NPAS2: variants seen among roughly 807,000 people sequenced by gnomAD.
NPAS2 encodes neuronal PAS domain protein 2, also known as neuronal PAS domain-containing protein 2.
A neutral mutation model predicts 107.5 loss-of-function variants in NPAS2; 23 were observed. That is an observed-to-expected ratio of 0.21 (90% CI 0.15 to 0.30). NPAS2 has a LOEUF of 0.30. Among genes scored for constraint, NPAS2 ranks in the 10% least tolerant of loss-of-function variants. The pLI, the probability that NPAS2 is intolerant of heterozygous loss-of-function variation, is 1.00. For missense variants in NPAS2, 756 were observed against 1,043.3 expected (o/e 0.72, Z 3.79); for synonymous variants, 403 against 417.5 (o/e 0.97, Z 0.42).
In NPAS2 at chr2:100,976,423, C is replaced by T. The variant is rs1366378467; in HGVS notation, c.1392+856C>T. On this transcript the variant is annotated intron_variant, in intron 14 of 20. Coordinates refer to ENST00000335681, the MANE Select transcript of NPAS2 (RefSeq NM_002518.4). This position sits in a 1 kb window ranked among gnomAD's most constrained non-coding sequence, Gnocchi z 4.1. ...CATGCAGACCTCTGTGACCTAGCCA[C>T]GGAAGTCATATAGTATCACCACTGC... Among the ~76,000 whole-genome samples, 2 of 152,054 alleles carry T rather than the reference C, an allele frequency of 1.3e-5. No homozygotes were observed. Among genetic ancestry groups the T allele is most frequent in the Non-Finnish European group, 1.5e-5 (1 of 68,008 alleles).
At chr2:100,878,707 C>A in intron 1 of NPAS2, 1 of 614,584 alleles carries the variant, frequency 1.6e-6, no homozygotes, top group Non-Finnish European at 2.0e-6. Context: ...CTCACTGATA[C>A]CCAACTATAA....
intron 1 of NPAS2, among the ~76,000 whole-genome samples, chr2:100,882,471 C>T (rs984733654): frequency 1.1e-4 from 16 of 151,970 alleles, no homozygotes; most frequent in African/African-American, 3.1e-4. Flanking sequence ...ATTAGCCGGG[C>T]GTAGGTGGTG....
Position 100,829,186 on chromosome 2 carries a change from G to GTT in NPAS2, c.-23+8787_-23+8788dup, listed in dbSNP as rs61069926. On this transcript the variant is annotated intron_variant, in intron 1 of 20. Coordinates refer to ENST00000335681, the MANE Select transcript of NPAS2 (RefSeq NM_002518.4). ...CAAATGGAACTGTGTGTGTTTTGTT[G>GTT]TTTTTTTTTTTTTTTTGAGACAGAG... Among the ~76,000 whole-genome samples, 352 of 140,514 alleles carry GTT rather than the reference G, an allele frequency of 2.5e-3. 3 individuals carry two copies. The highest frequency in any genetic ancestry group is 8.2e-3 in the African/African-American group (328 of 40,014). 92.2% of individuals were successfully genotyped at this position (140,514 alleles called of 152,430 possible).
intron 5 of NPAS2, among the ~76,000 whole-genome samples, chr2:100,943,647 A>C (rs1211612089): frequency 6.6e-6 from 1 of 152,270 alleles, no homozygotes; most frequent in Non-Finnish European, 1.5e-5. Context: ...CAGGCTGTGC[A>C]GTAAGAAGAG....
At chr2:100,926,216 T>C (rs1166465540) in intron 3 of NPAS2, among the ~76,000 whole-genome samples, 4 of 152,238 alleles carry the variant, frequency 2.6e-5, no homozygotes, top group Non-Finnish European at 4.4e-5. Context: ...TTTTTGGAAA[T>C]TATGAATGAT....
intron 1 of NPAS2, among the ~76,000 whole-genome samples, chr2:100,854,344 A>C (rs909693941): frequency 6.6e-6 from 1 of 152,236 alleles, no homozygotes; most frequent in African/African-American, 2.4e-5. Flanking sequence ...AGTGAGAGCA[A>C]CTACTGGGAA....
At chr2:100,869,525 G>A (rs1020710681) in intron 1 of NPAS2, among the ~76,000 whole-genome samples, 9 of 152,176 alleles carry the variant, frequency 5.9e-5, no homozygotes, top group African/African-American at 1.2e-4. Flanking sequence ...TTCAAACCAC[G>A]CAGTGGGAAT....
chr2:100,925,264 A>G lies in NPAS2; in HGVS notation c.151A>G (p.Lys51Glu), dbSNP rs1421402100. Residue 51 changes from lysine to glutamate, a missense_variant, in exon 3 of 21, where the codon AAG (lysine) becomes GAG (glutamate). Around this residue, in one of 4 missense-constraint regions of NPAS2, gnomAD observed 146 missense variants for 249.6 expected, o/e 0.58. Coordinates refer to ENST00000335681, the MANE Select transcript of NPAS2 (RefSeq NM_002518.4). ...RKMDKTTVLE[K>E]VIGFLQKHNE... is the part of the protein sequence containing the mutation. Reference sequence around the variant, plus strand: ...AATGGACAAAACCACCGTGTTGGAAAAGGTCATCGGATTTTTGCAGAAACA... The same window carrying G: ...AATGGACAAAACCACCGTGTTGGAAGAGGTCATCGGATTTTTGCAGAAACA... The G allele has an allele frequency of 2.5e-6, 4 of 1,614,110 alleles. No homozygotes were observed. In the South Asian group the frequency reaches 4.4e-5, roughly 18 times the overall value.
In NPAS2 at chr2:100,965,585, G is replaced by C. The variant is rs1410505980; in HGVS notation, c.801-75G>C. ...TGAGGCCTCCATGTTGATCATTATG[G>C]AAAGGCATGGCCACCAGGGTGAGCC... On this transcript the variant is annotated intron_variant, in intron 9 of 20. Coordinates refer to ENST00000335681, the MANE Select transcript of NPAS2 (RefSeq NM_002518.4). The surrounding 1 kb of genome is among the most constrained non-coding windows in gnomAD (Gnocchi z 4.3). The C allele has an allele frequency of 1.2e-6, 1 of 868,542 alleles. No individual in the cohort carries two copies. The highest frequency in any genetic ancestry group is 1.7e-5 in the African/African-American group (1 of 58,802). 53.8% of individuals were successfully genotyped at this position (868,542 alleles called of 1,614,324 possible). A position where few individuals can be genotyped will look rare whatever the true frequency, so the allele number is the denominator to read the frequency against.
At chr2:100,897,405 C>T (rs1478773285) in intron 1 of NPAS2, among the ~76,000 whole-genome samples, 1 of 152,176 alleles carries the variant, frequency 6.6e-6, no homozygotes, top group Non-Finnish European at 1.5e-5. Flanking sequence ...TCACCGCTGT[C>T]CTCTGAGATA....
At chr2:100,992,969 G>A (rs1003498589) in intron 19 of NPAS2, among the ~76,000 whole-genome samples, 5 of 151,006 alleles carry the variant, frequency 3.3e-5, no homozygotes, top group African/African-American at 9.8e-5. Context: ...TCACTCTGTC[G>A]CCCAGGCTGG....
chr2:100,961,333 A>C (rs1675902342), intron 7 of NPAS2, among the ~76,000 whole-genome samples: 1 of 152,192 alleles, frequency 6.6e-6, no homozygotes, highest in Non-Finnish European at 1.5e-5. Flanking sequence ...CAACTGGCAA[A>C]ATGTTCAAAG....
At chr2:100,954,877 GTT>G (rs59048263) in intron 7 of NPAS2, among the ~76,000 whole-genome samples, 1 of 146,752 alleles carries the variant, frequency 6.8e-6, no homozygotes, top group African/African-American at 2.6e-5. Flanking sequence ...TGTTTTTTTT[GTT>G]TTTTTTTGGT....
intron 1 of NPAS2, among the ~76,000 whole-genome samples, chr2:100,900,855 T>TTCCCC (rs1231660918): frequency 1.3e-5 from 2 of 152,008 alleles, no homozygotes; most frequent in African/African-American, 2.4e-5. Context: ...TTCTTTTCTT[T>TTCCCC]TCCCCTCCCC....
chr2:100,979,480 C>CTCTATATATATATATA (rs1203134584), intron 15 of NPAS2, among the ~76,000 whole-genome samples: 1 of 64,808 alleles, frequency 1.5e-5, no homozygotes, highest in African/African-American at 7.9e-5. Flanking sequence ...TTAATAATAA[C>CTCTATATATATATATA]TATATATATA....
chr2:100,878,908 C>A (rs952191467), intron 1 of NPAS2, among the ~76,000 whole-genome samples: 1 of 152,048 alleles, frequency 6.6e-6, no homozygotes, highest in Non-Finnish European at 1.5e-5. Flanking sequence ...CACTTGAGGT[C>A]AGGAGTTCAA....
intron 1 of NPAS2, chr2:100,901,468 C>T: frequency 7.2e-6 from 7 of 973,336 alleles, no homozygotes; most frequent in Non-Finnish European, 8.5e-6. Context: ...CTAGGAAAAC[C>T]CAAGAAACCC....
intron 1 of NPAS2, among the ~76,000 whole-genome samples, chr2:100,842,910 T>A (rs1006551099): frequency 6.6e-6 from 1 of 152,274 alleles, no homozygotes; most frequent in Non-Finnish European, 1.5e-5. Context: ...CCTAAGCTGT[T>A]CCTGAGAGGA....
rs768696753 is a variant in NPAS2, at chr2:100,995,520, C to T, written c.2413C>T (p.Arg805Cys). 10 of 1,613,068 alleles carry T rather than the reference C, an allele frequency of 6.2e-6. No homozygotes were observed. Among genetic ancestry groups the T allele is most frequent in the Admixed American group, 3.3e-5 (2 of 59,948 alleles). ...QPPPAQPQPL[R>C]PPRRVSSLSE... ...ACCCCCAGCACAGCCCCAGCCCCTA[C>T]GTCCTCCCCGAAGGGTCAGCAGTCT... The change falls in exon 21 of 21, where the codon CGT (arginine) becomes TGT (cysteine). Residue 805 changes from arginine to cysteine, a missense_variant. This residue lies in a region of NPAS2 where 496 missense variants were observed against 594.4 expected (regional missense o/e 0.83). Transcript: ENST00000335681.
Sources: allele counts gnomAD v4.1 joint callset (sites outside exome capture counted in the v4.1 genomes callset), GRCh38; gene constraint gnomAD v4.1.1; regional missense constraint gnomAD v4.1.1; non-coding constraint Gnocchi (gnomAD v3.1); transcripts MANE v1.5; gene names NCBI Gene and HGNC (gene_info 2026-07-23, HGNC 2026-07-21).